FLACC1: variants seen among roughly 807,000 people sequenced by gnomAD.
FLACC1 encodes flagellum-associated coiled-coil domain-containing protein 1.
FLACC1 carries 66 observed loss-of-function variants against 62.8 expected under a neutral mutation model. The ratio of observed to expected loss-of-function variants is 1.05; its 90% CI spans 0.86 to 1.29. The LOEUF (loss-of-function observed/expected upper bound fraction) is 1.29, where lower values mean the gene tolerates loss of function less well. FLACC1 is among the 50% of genes most tolerant of loss of function. FLACC1 has a pLI of 0.00. For missense variants in FLACC1, 452 were observed against 489.1 expected (o/e 0.92, Z 0.71); for synonymous variants, 156 against 161.0 (o/e 0.97, Z 0.24).
chr2:201,317,472 T>G lies in FLACC1; in HGVS notation c.676-8222A>C, dbSNP rs575179177. 9.2e-5 allele frequency among the ~76,000 whole-genome samples: 14 copies of G among 152,006 alleles called. 1 individual carries two copies. The South Asian group carries it at 2.7e-3, about 29-fold the overall frequency. ...CAATAGCTGCAAAAGAAAAATAAAA[T>G]GTTTGGACTATACCTAACCAAGGAG... On this transcript the variant is annotated intron_variant, in intron 9 of 14. Coordinates refer to ENST00000392257, the MANE Select transcript of FLACC1 (RefSeq NM_001127391.3).
intron 7 of FLACC1, among the ~76,000 whole-genome samples, chr2:201,332,725 C>T (rs915305386): frequency 6.6e-6 from 1 of 152,006 alleles, no homozygotes; most frequent in Non-Finnish European, 1.5e-5. Flanking sequence ...CCCCCCACCC[C>T]CTAGTCTCTT....
At chr2:201,328,854 A>G (rs371079767) in intron 9 of FLACC1, among the ~76,000 whole-genome samples, 35 of 152,364 alleles carry the variant, frequency 2.3e-4, no homozygotes, top group African/African-American at 7.7e-4. Flanking sequence ...TTCTAGAACT[A>G]AATCTACAGT....
At chr2:201,325,869 A>G (rs1168730106) in intron 9 of FLACC1, among the ~76,000 whole-genome samples, 5 of 152,150 alleles carry the variant, frequency 3.3e-5, no homozygotes, top group African/African-American at 1.2e-4. Flanking sequence ...GAACACAACA[A>G]ATAAAAAAAA....
chr2:201,347,363 C>T (rs557036704), intron 4 of FLACC1, among the ~76,000 whole-genome samples: 3 of 152,306 alleles, frequency 2.0e-5, no homozygotes, highest in South Asian at 2.1e-4. Context: ...CCCTGCCTGA[C>T]GGCCCCAGGC....
chr2:201,348,140 A>G, intron 4 of FLACC1, 114 bp downstream of exon 4: 1 of 1,085,494 alleles, frequency 9.2e-7, no homozygotes, highest in Non-Finnish European at 1.3e-6. Flanking sequence ...ACCTCCTCCC[A>G]GGATCTTTGT....
rs1406429464 is a variant in FLACC1, at chr2:201,346,078, T to C, written c.368+464A>G. On this transcript the variant is annotated intron_variant, in intron 5 of 14. Transcript: ENST00000392257. The surrounding 1 kb of genome is among the most constrained non-coding windows in gnomAD (Gnocchi z 4.0). ...TACTCAAGAGGTTGAGGCGTGAGAA[T>C]AGCTTAAACCTGGGAGGCAGAAGTT... Among the ~76,000 whole-genome samples, 1 of 152,044 alleles carries C rather than the reference T, an allele frequency of 6.6e-6. No homozygotes were observed. The highest frequency in any genetic ancestry group is 1.5e-5 in the Non-Finnish European group (1 of 68,002).
chr2:201,359,724 G>A (rs1307684397), upstream of FLACC1, among the ~76,000 whole-genome samples: 1 of 151,950 alleles, frequency 6.6e-6, no homozygotes, highest in Admixed American at 6.5e-5. Flanking sequence ...TTGATGGAGG[G>A]AAGCGTCTTG....
At chr2:201,361,585 T>TGG (rs1420772938), upstream of FLACC1, among the ~76,000 whole-genome samples, 2 of 152,216 alleles carry the variant, frequency 1.3e-5, no homozygotes, top group African/African-American at 4.8e-5. Flanking sequence ...TTTATATATA[T>TGG]GTAGATCTAG....
intron 2 of FLACC1, 84 bp downstream of exon 2, chr2:201,351,208 C>G (rs1212535668): frequency 6.6e-6 from 8 of 1,204,358 alleles, no homozygotes; most frequent in African/African-American, 1.5e-5. Context: ...GCCACACTTG[C>G]TGTTTTAGAA....
upstream of FLACC1, chr2:201,357,476 A>C (rs1293673081): frequency 6.6e-6 from 1 of 152,268 alleles, no homozygotes; most frequent in Non-Finnish European, 1.5e-5. Flanking sequence ...AGCCAATTAA[A>C]TTCTCCAAGA....
chr2:201,348,298 T>G lies in FLACC1; in HGVS notation c.190A>C (p.Lys64Gln). ...TCTTCTTGCCTTGCTGAATGGATTT[T>G]CATTCTGCAAGAGAAAGACATGCTC... ...PTKPVVSPKM[K>Q]IHSARQEETN... Residue 64 changes from lysine (K) to glutamine (Q), a missense_variant, in exon 4 of 15, where the codon AAA (lysine) becomes CAA (glutamine). By Grantham distance (53) the Lys-to-Gln change is moderately conservative (BLOSUM62 1). This residue lies in a region of FLACC1 where 147 missense variants were observed against 152.7 expected (regional missense o/e 0.96). Coordinates refer to ENST00000392257, the MANE Select transcript of FLACC1 (RefSeq NM_001127391.3). 6.2e-7 allele frequency: 1 copy of G among 1,612,546 alleles called. No homozygotes were observed. The highest frequency in any genetic ancestry group is 2.2e-5 in the East Asian group (1 of 44,850).
At chr2:201,344,397 C>A in intron 5 of FLACC1, 134 bp from the exon 6 acceptor site, 131 of 604,846 alleles carry the variant, frequency 2.2e-4, no homozygotes, top group East Asian at 3.1e-4. Context: ...CCTGCTCTAT[C>A]ATTATGGGGT....
At chr2:201,307,049 C>T (rs561382799) in intron 11 of FLACC1, among the ~76,000 whole-genome samples, 1 of 152,266 alleles carries the variant, frequency 6.6e-6, no homozygotes, top group South Asian at 2.1e-4. Context: ...GGAGGATATA[C>T]AGCAACTAGA....
At chr2:201,313,734 T>C (rs1012592316) in intron 9 of FLACC1, among the ~76,000 whole-genome samples, 1 of 152,102 alleles carries the variant, frequency 6.6e-6, no homozygotes, top group Non-Finnish European at 1.5e-5. Context: ...GAAAGCATCA[T>C]CTCCTGGCAG....
intron 11 of FLACC1, among the ~76,000 whole-genome samples, chr2:201,301,960 G>A (rs1329565791): frequency 1.3e-5 from 2 of 152,198 alleles, no homozygotes; most frequent in African/African-American, 4.8e-5. Flanking sequence ...AGGAACAACC[G>A]GTACCAGCCA....
chr2:201,337,595 C>T (rs1443828749), intron 7 of FLACC1, among the ~76,000 whole-genome samples: 1 of 152,172 alleles, frequency 6.6e-6, no homozygotes, highest in Non-Finnish European at 1.5e-5. Flanking sequence ...ATGATCATAG[C>T]TCACTGCAGC....
chr2:201,344,835 G>C (rs1454809984), intron 5 of FLACC1, among the ~76,000 whole-genome samples: 3 of 152,232 alleles, frequency 2.0e-5, no homozygotes, highest in Non-Finnish European at 2.9e-5. Context: ...GTGGTGCCAT[G>C]TGCAGTGGAG....
At chr2:201,312,912 G>C (rs533136778) in intron 9 of FLACC1, among the ~76,000 whole-genome samples, 2 of 152,226 alleles carry the variant, frequency 1.3e-5, no homozygotes, top group African/African-American at 4.8e-5. Context: ...AAGTAGGAAA[G>C]GGGGATTGTC....
chr2:201,311,499 A>G (rs1051415680), intron 9 of FLACC1, among the ~76,000 whole-genome samples: 1 of 152,098 alleles, frequency 6.6e-6, no homozygotes, highest in African/African-American at 2.4e-5. Flanking sequence ...AGTCAGGAGA[A>G]TTGCTTGAGC....
Sources: allele counts gnomAD v4.1 joint callset (sites outside exome capture counted in the v4.1 genomes callset), GRCh38; gene constraint gnomAD v4.1.1; regional missense constraint gnomAD v4.1.1; non-coding constraint Gnocchi (gnomAD v3.1); transcripts MANE v1.5; gene names NCBI Gene and HGNC (gene_info 2026-07-23, HGNC 2026-07-21).